SEC14L5: variants seen among roughly 807,000 people sequenced by gnomAD.
SEC14L5 encodes the protein SEC14 like lipid binding 5, also known as SEC14-like protein 5.
Under a neutral mutation model 84.6 loss-of-function variants are expected in SEC14L5, and 96 were observed. The ratio of observed to expected loss-of-function variants is 1.13; its 90% confidence interval spans 0.96 to 1.34. The LOEUF is 1.34. Ranked by LOEUF, SEC14L5 falls within the 40% of genes most tolerant of loss-of-function variation. SEC14L5 has a pLI of 0.00. For synonymous variants in SEC14L5, 546 were observed against 383.4 expected (o/e 1.42, Z -4.95); for missense variants, 1,224 against 942.5 (o/e 1.30, Z -3.91).
At chr16:4,975,398 G>T (rs940534844) in intron 2 of SEC14L5, among the ~76,000 whole-genome samples, 2 of 150,364 alleles carry the variant, frequency 1.3e-5, no homozygotes, top group Non-Finnish European at 3.0e-5. Flanking sequence ...GCGTGAACCC[G>T]GGAGGCAGAG....
At chr16:4,962,134 C>T (rs1295205161) in intron 2 of SEC14L5, among the ~76,000 whole-genome samples, 4 of 135,864 alleles carry the variant, frequency 2.9e-5, no homozygotes, top group South Asian at 2.2e-4. Context: ...GTCCTGCACT[C>T]GAGCCTGGGC....
At chr16:5,012,412 C>T (rs1281615599) in intron 15 of SEC14L5, among the ~76,000 whole-genome samples, 1 of 152,154 alleles carries the variant, frequency 6.6e-6, no homozygotes, top group Non-Finnish European at 1.5e-5. Flanking sequence ...CTCTTGTAGC[C>T]TCATGAGAAA....
intron 2 of SEC14L5, among the ~76,000 whole-genome samples, chr16:4,971,454 G>A (rs1955278730): frequency 6.6e-6 from 1 of 152,132 alleles, no homozygotes; most frequent in South Asian, 2.1e-4. Context: ...GCAAGACCTT[G>A]TCTCAAAAAC....
chr16:4,964,278 C>G (rs189608681), intron 2 of SEC14L5, among the ~76,000 whole-genome samples: 2 of 152,122 alleles, frequency 1.3e-5, no homozygotes, highest in African/African-American at 2.4e-5. Flanking sequence ...TTATTTGTCT[C>G]TTTTCTCAAG....
chr16:4,993,335 G>A (rs939330247), intron 6 of SEC14L5, among the ~76,000 whole-genome samples: 3 of 152,096 alleles, frequency 2.0e-5, no homozygotes, highest in Non-Finnish European at 4.4e-5. Context: ...TCTGCCTCCC[G>A]GCTTCAAGCA....
chr16:5,013,781 C>T (rs1375296278), intron 15 of SEC14L5, among the ~76,000 whole-genome samples: 2 of 152,088 alleles, frequency 1.3e-5, no homozygotes, highest in Non-Finnish European at 2.9e-5. Flanking sequence ...TGGTGTCGAA[C>T]TCCTGGCCTC....
At chr16:4,973,619 C>T (rs1596617633) in intron 2 of SEC14L5, among the ~76,000 whole-genome samples, 1 of 151,734 alleles carries the variant, frequency 6.6e-6, no homozygotes, top group Non-Finnish European at 1.5e-5. Context: ...AAACATTGTG[C>T]TGAGTGAGAG....
intron 2 of SEC14L5, among the ~76,000 whole-genome samples, chr16:4,981,975 AG>A (rs1955429391): frequency 1.3e-5 from 2 of 151,812 alleles, no homozygotes; most frequent in African/African-American, 4.9e-5. Context: ...CACAGTTCTC[AG>A]GGGGTCTCCT....
chr16:4,982,521 G>A (rs1955437076), intron 2 of SEC14L5, among the ~76,000 whole-genome samples: 1 of 152,126 alleles, frequency 6.6e-6, no homozygotes, highest in Non-Finnish European at 1.5e-5. Context: ...CCCCGCCTGG[G>A]AGGACCTCCG....
intron 2 of SEC14L5, among the ~76,000 whole-genome samples, chr16:4,975,290 G>A (rs1471449100): frequency 6.6e-6 from 1 of 151,592 alleles, no homozygotes; most frequent in Non-Finnish European, 1.5e-5. Context: ...GGCTAACACG[G>A]TGAAACCCCG....
intron 11 of SEC14L5, 100 bp downstream of exon 11, chr16:5,003,673 A>G: frequency 1.2e-6 from 1 of 800,728 alleles, no homozygotes; most frequent in South Asian, 1.9e-5. Flanking sequence ...GTTTCATTTC[A>G]TTTAGTAACT....
chr16:4,986,635 T>C (rs1955490150), intron 2 of SEC14L5, among the ~76,000 whole-genome samples: 3 of 152,264 alleles, frequency 2.0e-5, no homozygotes, highest in South Asian at 2.1e-4. Flanking sequence ...TATTGCCATC[T>C]TAACAATGTT....
At chr16:4,980,106 T>A (rs1023895833) in intron 2 of SEC14L5, among the ~76,000 whole-genome samples, 1 of 152,220 alleles carries the variant, frequency 6.6e-6, no homozygotes. Flanking sequence ...TTCCTGAGCC[T>A]CAACTTGCTC....
At chr16:4,983,368 T>C (rs1159433988) in intron 2 of SEC14L5, among the ~76,000 whole-genome samples, 2 of 151,010 alleles carry the variant, frequency 1.3e-5, no homozygotes, top group Non-Finnish European at 2.9e-5. Context: ...AAATAATATA[T>C]TTACATGGGT....
At chr16:5,003,616 T>TGG in intron 11 of SEC14L5, 43 bp downstream of exon 11, 1 of 130,938 alleles carries the variant, frequency 7.6e-6, no homozygotes, top group Non-Finnish European at 1.5e-5. Flanking sequence ...TGGGGGTGGG[T>TGG]GGGATGGGAG....
chr16:4,959,446 A>C (rs532076481), intron 2 of SEC14L5, 60 bp downstream of exon 2: 17 of 1,409,504 alleles, frequency 1.2e-5, no homozygotes, highest in Non-Finnish European at 1.7e-5. Context: ...GAGATCAGCT[A>C]TGGCGGTAGG....
At chr16:5,013,476 T>C (rs1168726905) in intron 15 of SEC14L5, among the ~76,000 whole-genome samples, 1 of 145,612 alleles carries the variant, frequency 6.9e-6, no homozygotes, top group Non-Finnish European at 1.5e-5. Context: ...AGCCTTGAAC[T>C]CCCGGGCTCA....
chr16:4,977,930 A>C (rs1173346152), intron 2 of SEC14L5, among the ~76,000 whole-genome samples: 3 of 150,598 alleles, frequency 2.0e-5, no homozygotes, highest in Non-Finnish European at 4.4e-5. Flanking sequence ...CCTCCCGAGT[A>C]GCTGGGATTA....
rs1304923255 is a variant in SEC14L5, at chr16:5,015,817, G to C, written c.*847G>C. 6.6e-6 allele frequency: 1 copy of C among 152,276 alleles called. No individual in the cohort carries two copies. Among genetic ancestry groups the C allele is most frequent in the African/African-American group, 2.4e-5 (1 of 41,446 alleles). 9.4% of individuals were successfully genotyped at this position (152,276 alleles called of 1,614,324 possible). Reference sequence around the variant, plus strand: ...TTTGTGGGGAACAGCACATCCTGAAGTGAAAATCCATGTTCCCTGCACTTG... The same window carrying C: ...TTTGTGGGGAACAGCACATCCTGAACTGAAAATCCATGTTCCCTGCACTTG... On this transcript the variant is annotated 3_prime_UTR_variant, in exon 16 of 16. Coordinates refer to ENST00000251170, the MANE Select transcript of SEC14L5 (RefSeq NM_014692.2).
Sources: gnomAD v4.1 joint callset for allele counts (sites outside exome capture counted in the v4.1 genomes callset) on GRCh38, gnomAD v4.1.1 for gene constraint, MANE v1.5 for transcripts, NCBI Gene and HGNC (gene_info 2026-07-23, HGNC 2026-07-21) for gene names.